The following PKLR variants were observed in gnomAD, a reference collection of about 807,000 sequenced individuals.
The protein encoded by PKLR is pyruvate kinase L/R.
In PKLR, 38 loss-of-function variants were observed where a neutral mutation model predicts 53.6. The ratio of observed to expected loss-of-function variants is 0.71; its 90% confidence interval spans 0.55 to 0.93. PKLR has a LOEUF of 0.93. Ranked by LOEUF, PKLR falls within the 40% of genes least tolerant of loss-of-function variation. PKLR has a pLI of 0.00. For missense variants in PKLR, 702 were observed against 787.3 expected, an observed-to-expected ratio of 0.89 and a Z score of 1.30; for synonymous variants, 328 against 316.2, an observed-to-expected ratio of 1.04 and a Z score of -0.39.
chr1:155,294,612 C>T lies in PKLR; in HGVS notation c.835G>A (p.Gly279Arg), dbSNP rs1337184181. The change falls in exon 6 of 11, where the codon GGG becomes AGG. Residue 279 changes from glycine (G) to arginine (R), a missense_variant. Gly to Arg is a moderately radical substitution (Grantham distance 125). Around this residue, in one of 2 missense-constraint regions of PKLR, gnomAD observed 519 missense variants for 537.1 expected, o/e 0.97. Coordinates refer to ENST00000342741, the MANE Select transcript of PKLR (RefSeq NM_000298.6). ...VRDLRFGVEHGVDIVFASFVR... is the reference protein window; with the variant it reads ...VRDLRFGVEHRVDIVFASFVR... ...AAGGAGGCAAAGACGATGTCCACCCCATGCTCCACCCCGAAGCGCAGGTCT... is the reference window on the plus strand; with the variant it reads ...AAGGAGGCAAAGACGATGTCCACCCTATGCTCCACCCCGAAGCGCAGGTCT... 12 of 1,614,132 alleles carry T rather than the reference C, an allele frequency of 7.4e-6. No homozygotes were observed. The highest frequency in any genetic ancestry group is 8.5e-6 in the Non-Finnish European group (10 of 1,180,052).
At chr1:155,304,780 A>G (rs1401933147), upstream of PKLR, among the ~76,000 whole-genome samples, 2 of 152,226 alleles carry the variant, frequency 1.3e-5, no homozygotes, top group Admixed American at 6.5e-5. Flanking sequence ...ATTAAAATCC[A>G]TAGTCAGACA....
In PKLR at chr1:155,295,839, C is replaced by T. The variant is rs900644337; in HGVS notation, c.284-83G>A. On this transcript the variant is annotated intron_variant, in intron 2 of 10. Transcript: ENST00000342741. The surrounding 1 kb of genome is among the most constrained non-coding windows in gnomAD (Gnocchi z 4.3). ...ACCCAACCCATTACCATTCTCAGAA[C>T]GCCTCACGCCACAGGCGTCCTGTTA... is the stretch of plus-strand genomic sequence containing the variant. 1.2e-5 allele frequency: 14 copies of T among 1,168,446 alleles called. No homozygotes were observed. Among genetic ancestry groups the T allele is most frequent in the Non-Finnish European group, 1.8e-5 (14 of 780,152 alleles). The allele number at this position is 1,168,446 out of a possible 1,614,324, so 72.4% of individuals were successfully genotyped here.
intron 10 of PKLR, 63 bp from the exon 11 acceptor site, chr1:155,290,741 C>T: frequency 1.9e-6 from 2 of 1,034,860 alleles, no homozygotes; most frequent in Non-Finnish European, 3.0e-6. Context: ...GTAATCCCAT[C>T]ACTTTGGGAA....
intron 2 of PKLR, among the ~76,000 whole-genome samples, chr1:155,298,419 C>G (rs1647717966): frequency 6.6e-6 from 1 of 151,532 alleles, no homozygotes; most frequent in Non-Finnish European, 1.5e-5. Flanking sequence ...ACCTCCGCCT[C>G]CCAGGTTCAA....
At position 155,293,708 on chromosome 1, in the gene PKLR, A is replaced by G; in HGVS notation, c.1117-118T>C. On this transcript the variant is annotated intron_variant, in intron 7 of 10. Coordinates refer to ENST00000342741, the MANE Select transcript of PKLR (RefSeq NM_000298.6). The surrounding 1 kb of genome is among the most constrained non-coding windows in gnomAD (Gnocchi z 4.2). ...TGTCCCAAAATCCAGGGTCACAGTC[A>G]CAACCCCTGAAAATAGGAGTCAAAG... The G allele has an allele frequency of 1.0e-6, 1 of 1,001,706 alleles. No individual in the cohort carries two copies. The highest frequency in any genetic ancestry group is 1.5e-6 in the Non-Finnish European group (1 of 645,474). The allele number at this position is 1,001,706 out of a possible 1,614,324, so 62.1% of individuals were successfully genotyped here.
chr1:155,301,770 T>A (rs1255599334), upstream of PKLR, among the ~76,000 whole-genome samples: 1 of 152,004 alleles, frequency 6.6e-6, no homozygotes, highest in Non-Finnish European at 1.5e-5. Context: ...GGGATCACTG[T>A]GATAATATGG....
At chr1:155,304,191 G>A (rs1262033263), upstream of PKLR, among the ~76,000 whole-genome samples, 1 of 152,162 alleles carries the variant, frequency 6.6e-6, no homozygotes, top group Non-Finnish European at 1.5e-5. Flanking sequence ...CCAGCACTTT[G>A]GGAGGCCAAG....
At chr1:155,290,768 C>T (rs1208621155) in intron 10 of PKLR, 90 bp from the exon 11 acceptor site, 1 of 785,378 alleles carries the variant, frequency 1.3e-6, no homozygotes, top group East Asian at 2.6e-5. Flanking sequence ...GCAGGAGGAT[C>T]ACCTGAGGTC....
intron 2 of PKLR, among the ~76,000 whole-genome samples, chr1:155,298,533 T>C (rs1647724946): frequency 6.6e-6 from 1 of 151,528 alleles, no homozygotes; most frequent in Admixed American, 6.6e-5. Flanking sequence ...TTTCTCCATG[T>C]TGAGGCTGGT....
At chr1:155,292,741 A>T (rs998332569) in intron 9 of PKLR, among the ~76,000 whole-genome samples, 44 of 152,320 alleles carry the variant, frequency 2.9e-4, no homozygotes, top group African/African-American at 1.0e-3. Flanking sequence ...ATTAAGTACT[A>T]TCTAGTACTT....
Position 155,298,796 on chromosome 1 carries a change from C to G in PKLR, c.283+1302G>C, listed in dbSNP as rs568674133. 2.6e-5 allele frequency among the ~76,000 whole-genome samples: 4 copies of G among 152,154 alleles called. No individual in the cohort carries two copies. In the East Asian group the frequency reaches 7.7e-4, roughly 29 times the overall value. ...AGCTGGGATTATAGGCACATGCCAC[C>G]ATGCCTGGCTAATTTTTTGTATTTT... On this transcript the variant is annotated intron_variant, in intron 2 of 10. Transcript: ENST00000342741.
the PKLR span, chr1:155,308,645 C>G: frequency 3.0e-6 from 3 of 985,420 alleles, no homozygotes; most frequent in Non-Finnish European, 3.6e-6. Flanking sequence ...GGCTCGCTTC[C>G]GGCACTGACG....
chr1:155,301,251 C>G (rs200108437), intron 1 of PKLR, 45 bp downstream of exon 1: 1 of 1,609,832 alleles, frequency 6.2e-7, no homozygotes, highest in East Asian at 2.2e-5. Flanking sequence ...AGTTTTCACC[C>G]TCATTTTCCT....
chr1:155,295,159 G>T lies in PKLR; in HGVS notation c.651C>A (p.Ile217=). ...IVRVVPVGGR[I]YIDDGLISLV... is the part of the protein sequence containing the mutation. ...GGGAGATGAGCCCGTCGTCAATGTA[G>T]ATGCGGCCCCCCACCGGCACGACCC... Residue 217 remains isoleucine, a synonymous_variant, in exon 5 of 11, where the codon ATC becomes ATA. Transcript: ENST00000342741. The surrounding 1 kb of genome is among the most constrained non-coding windows in gnomAD (Gnocchi z 4.3). 1 of 1,614,078 alleles carries T rather than the reference G, an allele frequency of 6.2e-7. No homozygotes were observed.
chr1:155,297,014 AG>A (rs1170870085), intron 2 of PKLR, among the ~76,000 whole-genome samples: 1 of 152,078 alleles, frequency 6.6e-6, no homozygotes, highest in Non-Finnish European at 1.5e-5. Flanking sequence ...CCTGACCTCC[AG>A]GGCTGCACCC....
In PKLR at chr1:155,300,816, C is replaced by G. The variant is rs371478441; in HGVS notation, c.100+480G>C. On this transcript the variant is annotated intron_variant, in intron 1 of 10. Coordinates refer to ENST00000342741, the MANE Select transcript of PKLR (RefSeq NM_000298.6). ...CTCCCCAGGCTTCTCAAAGCTGCTA[C>G]AGACACAGAGGTCCCTGTAGCTTGA... The G allele has an allele frequency of 9.5e-5, 150 of 1,582,264 alleles. 1 individual carries two copies. In the African/African-American group the frequency reaches 1.9e-3, roughly 20 times the overall value.
intron 2 of PKLR, among the ~76,000 whole-genome samples, chr1:155,297,486 T>A (rs1042415758): frequency 3.3e-5 from 5 of 152,214 alleles, no homozygotes; most frequent in Non-Finnish European, 7.3e-5. Flanking sequence ...CAGCTCTACC[T>A]GCAAAATACA....
the PKLR span, among the ~76,000 whole-genome samples, chr1:155,307,922 G>A: frequency 3.3e-5 from 5 of 152,078 alleles, no homozygotes; most frequent in African/African-American, 1.2e-4. Flanking sequence ...GAATTAAGGC[G>A]CGGACCAGCA....
At position 155,290,652 on chromosome 1, in the gene PKLR, C is replaced by T. The variant is rs190966689; in HGVS notation, c.1645G>A (p.Gly549Arg). 1.2e-6 allele frequency: 2 copies of T among 1,612,894 alleles called. No homozygotes were observed. Among genetic ancestry groups the T allele is most frequent in the East Asian group, 2.2e-5 (1 of 44,874 alleles). Residue 549 changes from glycine to arginine, a missense_variant, in exon 11 of 11, where the codon GGA (glycine) becomes AGA (arginine). Around this residue, in one of 2 missense-constraint regions of PKLR, gnomAD observed 183 missense variants for 250.2 expected, o/e 0.73. Coordinates refer to ENST00000342741, the MANE Select transcript of PKLR (RefSeq NM_000298.6). ...SGKLRGFLRV[G>R]DLVIVVTGWR... is the part of the protein sequence containing the mutation. ...CCTGTCACCACAATCACCAGGTCTC[C>T]AACACGGAGGAAGCCACGGAGCTTT... is the stretch of plus-strand genomic sequence containing the variant.
Sources: allele counts gnomAD v4.1 joint callset (sites outside exome capture counted in the v4.1 genomes callset), GRCh38; gene constraint gnomAD v4.1.1; regional missense constraint gnomAD v4.1.1; non-coding constraint Gnocchi (gnomAD v3.1); transcripts MANE v1.5; gene names NCBI Gene and HGNC (gene_info 2026-07-23, HGNC 2026-07-21).